The following ADCY2 variants were observed in gnomAD, a reference collection of about 807,000 sequenced individuals.
ADCY2 encodes adenylate cyclase type 2.
In ADCY2, 31 loss-of-function variants were observed where a neutral mutation model predicts 125.2. The ratio of observed to expected loss-of-function variants is 0.25; its 90% CI spans 0.19 to 0.33. ADCY2 has a LOEUF of 0.33. Ranked by LOEUF, ADCY2 falls within the 10% of genes least tolerant of loss-of-function variation. The pLI, the probability that ADCY2 is intolerant of heterozygous loss-of-function variation, is 1.00. For missense variants in ADCY2, 904 were observed against 1,418.2 expected (o/e 0.64, Z 5.82); for synonymous variants, 512 against 548.4 (o/e 0.93, Z 0.93).
chr5:7,603,994 G>A (rs1425634474), intron 3 of ADCY2, among the ~76,000 whole-genome samples: 10 of 67,164 alleles, frequency 1.5e-4, no homozygotes, highest in Admixed American at 1.2e-3. Flanking sequence ...AGTCCCCAGA[G>A]TGTGATATTT....
intron 24 of ADCY2, among the ~76,000 whole-genome samples, chr5:7,826,215 G>A (rs535680766): frequency 7.9e-5 from 12 of 152,148 alleles, no homozygotes; most frequent in East Asian, 5.8e-4. Flanking sequence ...GCTCCTTCTC[G>A]GGGTGTTCCT....
At chr5:7,440,914 C>A (rs951992624) in intron 2 of ADCY2, among the ~76,000 whole-genome samples, 2 of 152,098 alleles carry the variant, frequency 1.3e-5, no homozygotes, top group Admixed American at 1.3e-4. Context: ...TAGAACAGCC[C>A]TTTGAGGTAG....
intron 2 of ADCY2, among the ~76,000 whole-genome samples, chr5:7,512,265 A>G (rs1561066924): frequency 6.7e-6 from 1 of 148,442 alleles, no homozygotes; most frequent in East Asian, 2.0e-4. Flanking sequence ...GGCTATAAAC[A>G]GAGGAGGATT....
At chr5:7,778,567 A>G (rs1176169383) in intron 18 of ADCY2, among the ~76,000 whole-genome samples, 1 of 152,210 alleles carries the variant, frequency 6.6e-6, no homozygotes, top group Non-Finnish European at 1.5e-5. Flanking sequence ...AATGTCTGCA[A>G]AAGTTTACCT....
chr5:7,533,814 A>G (rs961625080), intron 3 of ADCY2, among the ~76,000 whole-genome samples: 2 of 152,118 alleles, frequency 1.3e-5, no homozygotes, highest in African/African-American at 2.4e-5. Context: ...CTTTTTGTCA[A>G]TGTGTTCTTA....
chr5:7,555,511 T>G (rs1257855274), intron 3 of ADCY2, among the ~76,000 whole-genome samples: 1 of 152,214 alleles, frequency 6.6e-6, no homozygotes. Context: ...ACAAGTTTTA[T>G]TTGGTAACTG....
chr5:7,816,831 C>G (rs1745127909), intron 22 of ADCY2, 35 bp from the exon 23 acceptor site: 1 of 1,570,346 alleles, frequency 6.4e-7, no homozygotes. Flanking sequence ...CTGTGATGCT[C>G]TAACTTCCAT....
At chr5:7,436,284 G>A (rs1740797133) in intron 2 of ADCY2, among the ~76,000 whole-genome samples, 1 of 152,116 alleles carries the variant, frequency 6.6e-6, no homozygotes, top group African/African-American at 2.4e-5. Flanking sequence ...TAACTACCTC[G>A]AGTAAAAAGA....
chr5:7,430,365 A>G (rs1275319664), intron 2 of ADCY2, among the ~76,000 whole-genome samples: 1 of 151,850 alleles, frequency 6.6e-6, no homozygotes, highest in East Asian at 1.9e-4. Context: ...GGCCACCATT[A>G]CTCTGATAAA....
intron 2 of ADCY2, among the ~76,000 whole-genome samples, chr5:7,435,765 C>G (rs1244823451): frequency 6.6e-6 from 1 of 152,154 alleles, no homozygotes; most frequent in Non-Finnish European, 1.5e-5. Context: ...GCTTTACTCA[C>G]GATGCTGGGA....
At chr5:7,675,124 G>C (rs1222229113) in intron 4 of ADCY2, among the ~76,000 whole-genome samples, 1 of 150,978 alleles carries the variant, frequency 6.6e-6, no homozygotes, top group Admixed American at 6.6e-5. Context: ...CGCCACTGCA[G>C]TCCGGCCTGG....
chr5:7,665,291 GT>G (rs1739674866), intron 4 of ADCY2, among the ~76,000 whole-genome samples: 1 of 152,140 alleles, frequency 6.6e-6, no homozygotes, highest in African/African-American at 2.4e-5. Context: ...CCGCCTGGAT[GT>G]CCCAGTTGTC....
chr5:7,443,635 G>T (rs1174544171), intron 2 of ADCY2, among the ~76,000 whole-genome samples: 1 of 70,394 alleles, frequency 1.4e-5, no homozygotes, highest in Non-Finnish European at 2.3e-5. Flanking sequence ...GTAAGACTCT[G>T]TCTCAAAAAA....
In ADCY2 at chr5:7,712,836, A is replaced by G. The variant is rs1741481519; in HGVS notation, c.1579-20A>G. 6.4e-7 allele frequency: 1 copy of G among 1,574,414 alleles called. No individual in the cohort carries two copies. The highest frequency in any genetic ancestry group is 8.7e-7 in the Non-Finnish European group (1 of 1,148,370). Reference sequence around the variant, plus strand: ...CTTGAAACATGTTTTGACAATTAATAACCTTTTTTCTCAATATAGGATGTA... The same window carrying G: ...CTTGAAACATGTTTTGACAATTAATGACCTTTTTTCTCAATATAGGATGTA... On this transcript the variant is annotated intron_variant, in intron 10 of 24. Coordinates refer to ENST00000338316, the MANE Select transcript of ADCY2 (RefSeq NM_020546.3).
intron 2 of ADCY2, among the ~76,000 whole-genome samples, chr5:7,441,662 G>A (rs901873554): frequency 3.3e-5 from 5 of 152,182 alleles, no homozygotes; most frequent in African/African-American, 1.2e-4. Flanking sequence ...GTGATGGTTA[G>A]TTTTATGTAT....
At chr5:7,534,097 A>G (rs1469654629) in intron 3 of ADCY2, among the ~76,000 whole-genome samples, 1 of 152,174 alleles carries the variant, frequency 6.6e-6, no homozygotes, top group Non-Finnish European at 1.5e-5. Flanking sequence ...CGTTCATACC[A>G]TTGTCAACTC....
intron 3 of ADCY2, among the ~76,000 whole-genome samples, chr5:7,549,719 C>T (rs73739839): frequency 0.037 from 5,609 of 152,172 alleles, 347 homozygotes; most frequent in African/African-American, 0.13. Flanking sequence ...CGAAGTAGCC[C>T]GGATATTTTC....
intron 11 of ADCY2, among the ~76,000 whole-genome samples, chr5:7,716,534 G>A (rs1160513245): frequency 2.0e-5 from 3 of 152,192 alleles, no homozygotes; most frequent in Admixed American, 2.0e-4. Context: ...CACAGTGAGT[G>A]AATAAGGACA....
At chr5:7,750,412 G>T (rs1462758570) in intron 15 of ADCY2, among the ~76,000 whole-genome samples, 1 of 152,060 alleles carries the variant, frequency 6.6e-6, no homozygotes, top group Admixed American at 6.6e-5. Flanking sequence ...TACTAGCATG[G>T]TTTAAATTTT....
Sources: gnomAD v4.1 joint callset for allele counts (sites outside exome capture counted in the v4.1 genomes callset) on GRCh38, gnomAD v4.1.1 for gene constraint, MANE v1.5 for transcripts, NCBI Gene and HGNC (gene_info 2026-07-23, HGNC 2026-07-21) for gene names.